The following SLC30A8 variants were observed in gnomAD, a reference collection of about 807,000 sequenced individuals.
SLC30A8 encodes the protein proton-coupled zinc antiporter SLC30A8.
A neutral mutation model predicts 36.9 loss-of-function variants in SLC30A8; 27 were observed. The observed-to-expected ratio is 0.73, with a 90% confidence interval of 0.54 to 1.01. SLC30A8 has a LOEUF of 1.01. Ranked by LOEUF, SLC30A8 falls within the 50% of genes least tolerant of loss-of-function variation. The pLI is 0.00. For missense variants in SLC30A8, 439 were observed against 452.0 expected, an observed-to-expected ratio of 0.97 and a Z score of 0.26; for synonymous variants, 164 against 172.4, an observed-to-expected ratio of 0.95 and a Z score of 0.38.
intron 2 of SLC30A8, among the ~76,000 whole-genome samples, chr8:117,087,454 A>G (rs1317995299): frequency 6.6e-6 from 1 of 152,160 alleles, no homozygotes; most frequent in Non-Finnish European, 1.5e-5. Context: ...TCCTTGGGCC[A>G]TCTTTCCTTT....
At chr8:117,029,050 C>G (rs1315280916) in intron 1 of SLC30A8, among the ~76,000 whole-genome samples, 2 of 152,116 alleles carry the variant, frequency 1.3e-5, no homozygotes, top group African/African-American at 2.4e-5. Context: ...ATACCACTAA[C>G]AAGGCTAAGT....
chr8:117,156,517 A>G (rs936114844), intron 3 of SLC30A8, among the ~76,000 whole-genome samples: 1 of 152,196 alleles, frequency 6.6e-6, no homozygotes, highest in Admixed American at 6.5e-5. Context: ...CAGGCCATAT[A>G]CGTCTGACAC....
At chr8:117,046,020 T>A (rs1817539931) in intron 2 of SLC30A8, among the ~76,000 whole-genome samples, 1 of 151,660 alleles carries the variant, frequency 6.6e-6, no homozygotes, top group Admixed American at 6.6e-5. Context: ...GCTGTCAACA[T>A]CCTTGTGACA....
chr8:117,016,307 T>C (rs6987643), intron 1 of SLC30A8, among the ~76,000 whole-genome samples: 72,381 of 152,054 alleles, frequency 0.48, 17,701 homozygotes, highest in African/African-American at 0.57. Flanking sequence ...AAGTCGATAT[T>C]GAATCAAAGA....
At chr8:117,002,514 G>T (rs1816044439) in intron 1 of SLC30A8, among the ~76,000 whole-genome samples, 1 of 151,860 alleles carries the variant, frequency 6.6e-6, no homozygotes, top group Non-Finnish European at 1.5e-5. Flanking sequence ...TTTTCAATTT[G>T]CCCTGAAAGT....
chr8:117,150,534 G>T (rs1178451903), intron 2 of SLC30A8, among the ~76,000 whole-genome samples: 1 of 152,178 alleles, frequency 6.6e-6, no homozygotes, highest in African/African-American at 2.4e-5. Flanking sequence ...AAGTATTCCA[G>T]AAATATGACT....
chr8:117,043,579 T>C (rs1817456440), intron 2 of SLC30A8, among the ~76,000 whole-genome samples: 1 of 152,242 alleles, frequency 6.6e-6, no homozygotes, highest in African/African-American at 2.4e-5. Flanking sequence ...AACTTGACTA[T>C]AAAACAGGGG....
intron 1 of SLC30A8, among the ~76,000 whole-genome samples, chr8:116,975,092 G>A (rs1000392863): frequency 6.6e-6 from 1 of 151,846 alleles, no homozygotes; most frequent in Admixed American, 6.6e-5. Flanking sequence ...TATACCTAAT[G>A]ACGAGTTACT....
chr8:117,087,607 T>C (rs1586488404), intron 2 of SLC30A8, among the ~76,000 whole-genome samples: 1 of 152,158 alleles, frequency 6.6e-6, no homozygotes, highest in South Asian at 2.1e-4. Flanking sequence ...TTTGGTACTC[T>C]CTATGAGTTT....
At chr8:117,162,697 C>T (rs986952077) in intron 5 of SLC30A8, among the ~76,000 whole-genome samples, 2 of 152,142 alleles carry the variant, frequency 1.3e-5, no homozygotes, top group Non-Finnish European at 2.9e-5. Context: ...TTCAGTTGAG[C>T]AAAATGATCA....
intron 1 of SLC30A8, among the ~76,000 whole-genome samples, chr8:116,977,895 C>G (rs1050151469): frequency 4.6e-5 from 7 of 152,130 alleles, no homozygotes; most frequent in African/African-American, 1.7e-4. Flanking sequence ...TTTCTCAGCT[C>G]TGATGGTTAT....
intron 2 of SLC30A8, among the ~76,000 whole-genome samples, chr8:117,067,434 A>T (rs1818203663): frequency 6.6e-6 from 1 of 152,016 alleles, no homozygotes; most frequent in Non-Finnish European, 1.5e-5. Flanking sequence ...CTCTGTGGCC[A>T]GGAGAATGTG....
chr8:117,037,816 G>A (rs776546734), intron 1 of SLC30A8, among the ~76,000 whole-genome samples: 1 of 152,260 alleles, frequency 6.6e-6, no homozygotes, highest in South Asian at 2.1e-4. Context: ...CTTCACTTCC[G>A]CAGATGCATT....
At chr8:117,110,750 AT>A (rs886167053) in intron 2 of SLC30A8, among the ~76,000 whole-genome samples, 6 of 152,140 alleles carry the variant, frequency 3.9e-5, no homozygotes, top group Non-Finnish European at 8.8e-5. Flanking sequence ...CATATCTGTC[AT>A]TTTGCTTGAT....
chr8:116,971,538 T>C (rs1814798000), intron 1 of SLC30A8, among the ~76,000 whole-genome samples: 1 of 152,180 alleles, frequency 6.6e-6, no homozygotes, highest in Non-Finnish European at 1.5e-5. Context: ...TTGTTTCCTA[T>C]CTTTGAGACT....
At chr8:117,168,726 G>C (rs951582833) in intron 6 of SLC30A8, among the ~76,000 whole-genome samples, 2 of 152,148 alleles carry the variant, frequency 1.3e-5, no homozygotes, top group African/African-American at 4.8e-5. Context: ...ATGGTCAACA[G>C]AACTTCCCCA....
At chr8:117,150,224 G>T (rs1446653752) in intron 2 of SLC30A8, among the ~76,000 whole-genome samples, 1 of 152,068 alleles carries the variant, frequency 6.6e-6, no homozygotes, top group Non-Finnish European at 1.5e-5. Context: ...AATTAAAGAA[G>T]AATTTAAAAA....
chr8:117,165,720 G>C (rs1823022751), intron 6 of SLC30A8, among the ~76,000 whole-genome samples: 1 of 152,162 alleles, frequency 6.6e-6, no homozygotes, highest in African/African-American at 2.4e-5. Flanking sequence ...AAGTGTGGGA[G>C]TGCAACCTAG....
intron 1 of SLC30A8, among the ~76,000 whole-genome samples, chr8:117,021,769 A>G (rs758785074): frequency 5.9e-5 from 9 of 152,182 alleles, no homozygotes; most frequent in Admixed American, 2.6e-4. Flanking sequence ...TTATACAACA[A>G]TAATCATTAA....
Sources: allele counts gnomAD v4.1 joint callset (sites outside exome capture counted in the v4.1 genomes callset), GRCh38; gene constraint gnomAD v4.1.1; transcripts MANE v1.5; gene names NCBI Gene and HGNC (gene_info 2026-07-23, HGNC 2026-07-21).